The following AFF2 variants were observed in gnomAD, a reference collection of about 807,000 sequenced individuals.
The protein encoded by AFF2 is AF4/FMR2 family member 2.
In AFF2, 14 loss-of-function variants were observed where a neutral mutation model predicts 76.9. The ratio of observed to expected loss-of-function variants is 0.18; its 90% CI spans 0.12 to 0.28. The LOEUF (loss-of-function observed/expected upper bound fraction) is 0.28, where lower values mean the gene tolerates loss of function less well. Ranked by LOEUF, AFF2 falls within the 10% of genes least tolerant of loss-of-function variation. The pLI is 1.00. For synonymous variants in AFF2, 398 were observed against 366.7 expected, an observed-to-expected ratio of 1.09 and a Z score of -0.98; for missense variants, 868 against 1,001.1, an observed-to-expected ratio of 0.87 and a Z score of 1.79.
intron 2 of AFF2, among the ~76,000 whole-genome samples, chrX:148,657,465 G>T (rs1225706219): frequency 2.7e-5 from 3 of 112,006 alleles, no homozygotes; most frequent in Non-Finnish European, 5.6e-5. Flanking sequence ...AAATACTATG[G>T]TACAATAGCC....
At chrX:148,711,351 A>G (rs2054965252) in intron 3 of AFF2, among the ~76,000 whole-genome samples, 1 of 112,028 alleles carries the variant, frequency 8.9e-6, no homozygotes, top group African/African-American at 3.2e-5. Flanking sequence ...GAAAATCTAC[A>G]TTATTATGTA....
At chrX:148,989,185 A>G (rs782739900) in intron 20 of AFF2, among the ~76,000 whole-genome samples, 1 of 112,794 alleles carries the variant, frequency 8.9e-6, no homozygotes, top group African/African-American at 3.2e-5. Context: ...AGATAGACAC[A>G]TCTTAAGATT....
At chrX:148,652,684 G>T (rs1389001983) in intron 2 of AFF2, among the ~76,000 whole-genome samples, 1 of 111,661 alleles carries the variant, frequency 9.0e-6, no homozygotes, top group Non-Finnish European at 1.9e-5. Flanking sequence ...CCAGAGGGGG[G>T]TAGTATAGCT....
At chrX:148,720,335 T>C (rs1557263690) in intron 3 of AFF2, among the ~76,000 whole-genome samples, 1 of 110,270 alleles carries the variant, frequency 9.1e-6, no homozygotes. Context: ...CTTCCCTTCC[T>C]TTCTTCCTTT....
chrX:148,602,635 C>T (rs1210198612), intron 1 of AFF2, among the ~76,000 whole-genome samples: 4 of 110,205 alleles, frequency 3.6e-5, no homozygotes, highest in Admixed American at 1.9e-4. Context: ...ACAAAACGAA[C>T]GAAGAAATGA....
intron 1 of AFF2, among the ~76,000 whole-genome samples, chrX:148,627,874 G>A (rs782012752): frequency 8.9e-6 from 1 of 112,075 alleles, no homozygotes; most frequent in Admixed American, 9.4e-5. Context: ...TGAGATTTCA[G>A]GGCTTGAGTT....
At chrX:148,833,128 CAT>C (rs2070475503) in intron 4 of AFF2, among the ~76,000 whole-genome samples, 3 of 111,393 alleles carry the variant, frequency 2.7e-5, no homozygotes, top group South Asian at 3.9e-4. Context: ...CATAAACACA[CAT>C]GTGTGTTCAA....
chrX:148,854,989 A>G (rs2070771339), intron 7 of AFF2, among the ~76,000 whole-genome samples: 1 of 111,527 alleles, frequency 9.0e-6, no homozygotes, highest in Non-Finnish European at 1.9e-5. Context: ...GAAGGTCTCA[A>G]AAATTTCAGA....
intron 3 of AFF2, among the ~76,000 whole-genome samples, chrX:148,750,151 G>C (rs932216775): frequency 1.8e-5 from 2 of 109,267 alleles, no homozygotes; most frequent in Non-Finnish European, 3.8e-5. Context: ...TGTATTTTTA[G>C]TAGAGACGGC....
rs1557291128 is a variant in AFF2 at position 148,983,936 on chromosome X, G to A, written c.3623+3146G>A. ...ACACTGTTCTAGATACTGAAGTATG[G>A]CACAGAGTGAAATAGACAAAAAAAA... On this transcript the variant is annotated intron_variant, in intron 19 of 20. Transcript: ENST00000370460. Among the ~76,000 whole-genome samples, 5 of 10,121 alleles carry A rather than the reference G, an allele frequency of 4.9e-4. No individual in the cohort carries two copies. In the South Asian group the frequency reaches 0.025, roughly 50 times the overall value. The allele number at this position is 10,121 out of a possible 115,157, so 8.8% of individuals were successfully genotyped here. A position where few individuals can be genotyped will look rare whatever the true frequency, so the allele number is the denominator to read the frequency against.
At chrX:148,916,431 C>T (rs59716011) in intron 9 of AFF2, among the ~76,000 whole-genome samples, 3,564 of 108,222 alleles carry the variant, frequency 0.033, 146 homozygotes, top group African/African-American at 0.11. Context: ...AGGATGGTCT[C>T]GATCTCCTGA....
At chrX:148,511,870 A>G (rs921540418) in intron 1 of AFF2, among the ~76,000 whole-genome samples, 7 of 112,683 alleles carry the variant, frequency 6.2e-5, no homozygotes, top group Non-Finnish European at 7.5e-5. Context: ...CCTTCAATGT[A>G]CTAAAAGTAA....
At chrX:148,774,368 T>A (rs2069641403) in intron 3 of AFF2, among the ~76,000 whole-genome samples, 1 of 111,861 alleles carries the variant, frequency 8.9e-6, no homozygotes, top group Admixed American at 9.5e-5. Flanking sequence ...ATATCCTCCT[T>A]GTATGAGCAC....
chrX:148,676,491 A>C (rs1170496637), intron 3 of AFF2, among the ~76,000 whole-genome samples: 1 of 112,166 alleles, frequency 8.9e-6, no homozygotes, highest in African/African-American at 3.2e-5. Flanking sequence ...CCATGCCAGA[A>C]GCTGGAAAAC....
At chrX:148,939,096 C>CAGG (rs1336120292) in intron 9 of AFF2, among the ~76,000 whole-genome samples, 5 of 111,083 alleles carry the variant, frequency 4.5e-5, no homozygotes, top group African/African-American at 1.3e-4. Flanking sequence ...AGAGGAGGAG[C>CAGG]AGGAGGAGGA....
rs950314933 is a variant in AFF2, at chrX:148,638,457, T to C, written c.48-13542T>C. 3.6e-5 allele frequency among the ~76,000 whole-genome samples: 4 copies of C among 111,542 alleles called. No homozygotes were observed. The Admixed American group carries it at 3.8e-4, about 11-fold the overall frequency. On this transcript the variant is annotated intron_variant, in intron 1 of 20. Coordinates refer to ENST00000370460, the MANE Select transcript of AFF2 (RefSeq NM_002025.4). ...AGCAGCATGGGGGAAGCCACCCGCATGATCCAATCACCCCCCAACCAGGTC... is the reference window on the plus strand; with the variant it reads ...AGCAGCATGGGGGAAGCCACCCGCACGATCCAATCACCCCCCAACCAGGTC...
intron 1 of AFF2, among the ~76,000 whole-genome samples, chrX:148,530,327 C>T (rs1450498611): frequency 1.8e-5 from 2 of 111,844 alleles, no homozygotes; most frequent in African/African-American, 3.3e-5. Context: ...TAATATTATG[C>T]CTGGCACATA....
At chrX:148,701,315 C>G (rs781939188) in intron 3 of AFF2, among the ~76,000 whole-genome samples, 3 of 111,400 alleles carry the variant, frequency 2.7e-5, no homozygotes, top group Non-Finnish European at 5.6e-5. Context: ...GTGGAACACT[C>G]ACTAGTTTTA....
At chrX:148,769,893 C>T (rs1286396353) in intron 3 of AFF2, among the ~76,000 whole-genome samples, 2 of 111,434 alleles carry the variant, frequency 1.8e-5, no homozygotes, top group Non-Finnish European at 3.8e-5. Context: ...AAAATGGTTC[C>T]ATAGCATTCT....
Sources: allele counts gnomAD v4.1 joint callset (sites outside exome capture counted in the v4.1 genomes callset), GRCh38; gene constraint gnomAD v4.1.1; transcripts MANE v1.5; gene names NCBI Gene and HGNC (gene_info 2026-07-23, HGNC 2026-07-21).